The following R3HDM4 variants were observed in gnomAD, a reference collection of about 807,000 sequenced individuals.
R3HDM4 encodes R3H domain-containing protein 4.
R3HDM4 carries 30 observed loss-of-function variants against 31.3 expected under a neutral mutation model. The ratio of observed to expected loss-of-function variants is 0.96; its 90% CI spans 0.72 to 1.30. The LOEUF is 1.30. Ranked by LOEUF, R3HDM4 falls within the 50% of genes most tolerant of loss-of-function variation. The pLI, the probability that R3HDM4 is intolerant of heterozygous loss-of-function variation, is 0.00. For missense variants in R3HDM4, 444 were observed against 366.1 expected (o/e 1.21, Z -1.74); for synonymous variants, 196 against 156.6 (o/e 1.25, Z -1.88).
intron 1 of R3HDM4, among the ~76,000 whole-genome samples, chr19:905,518 A>C (rs138605785): frequency 0.019 from 2,774 of 148,316 alleles, 65 homozygotes; most frequent in African/African-American, 0.05. Flanking sequence ...AAAAAAAAAA[A>C]AAAACAAAAC....
intron 7 of R3HDM4, among the ~76,000 whole-genome samples, chr19:898,321 C>T (rs2036770365): frequency 1.4e-5 from 2 of 147,842 alleles, no homozygotes; most frequent in African/African-American, 5.0e-5. Context: ...AGGAGAATGG[C>T]GTGAACCCGG....
At chr19:905,341 C>T (rs1237911569) in intron 1 of R3HDM4, among the ~76,000 whole-genome samples, 1 of 151,646 alleles carries the variant, frequency 6.6e-6, no homozygotes, top group African/African-American at 2.4e-5. Flanking sequence ...TTAGTCTCTA[C>T]TAAAAATACA....
chr19:901,261 C>T (rs1052114655), intron 3 of R3HDM4, 161 bp downstream of exon 3: 1 of 798,860 alleles, frequency 1.3e-6, no homozygotes, highest in Non-Finnish European at 1.9e-6. Context: ...GGTGGGGATT[C>T]TGGCCTGGTC....
rs1326579784 is a variant in R3HDM4, at chr19:913,190, G to A, written c.-33C>T. On this transcript the variant is annotated 5_prime_UTR_variant, in exon 1 of 8. Transcript: ENST00000361574. This position sits in a 1 kb window ranked among gnomAD's most constrained non-coding sequence, Gnocchi z 5.0. ...ACGCTGTCGCCGCCGCCGCCGCCCG[G>A]CAGGGCCTTCACCGGGCCGGGCAGG... 9.4e-7 allele frequency: 1 copy of A among 1,058,268 alleles called. No individual in the cohort carries two copies. Among genetic ancestry groups the A allele is most frequent in the East Asian group, 7.4e-5 (1 of 13,518 alleles). The allele number at this position is 1,058,268 out of a possible 1,614,324, so 65.6% of individuals were successfully genotyped here. A position where few individuals can be genotyped will look rare whatever the true frequency, so the allele number is the denominator to read the frequency against.
chr19:897,956 T>TC (rs1016272713), intron 7 of R3HDM4, among the ~76,000 whole-genome samples: 2 of 151,718 alleles, frequency 1.3e-5, no homozygotes, highest in Non-Finnish European at 2.9e-5. Flanking sequence ...CTTCCCCATC[T>TC]CCCCCTCACT....
chr19:901,123 C>T (rs998496018), intron 3 of R3HDM4, 171 bp from the exon 4 acceptor site: 8 of 853,324 alleles, frequency 9.4e-6, no homozygotes, highest in Admixed American at 6.2e-5. Context: ...CGCAGGGAAG[C>T]GGGGAACCGG....
intron 1 of R3HDM4, among the ~76,000 whole-genome samples, chr19:912,056 A>G (rs1294554463): frequency 9.4e-5 from 6 of 63,704 alleles, no homozygotes; most frequent in African/African-American, 3.0e-4. Flanking sequence ...GGGCCCGGGG[A>G]GTGGGGGGGC....
At chr19:912,787 C>T (rs910602352) in intron 1 of R3HDM4, among the ~76,000 whole-genome samples, 2 of 146,374 alleles carry the variant, frequency 1.4e-5, no homozygotes, top group African/African-American at 5.1e-5. Context: ...GAGTAGGGGG[C>T]GGAACAGGTA....
Position 899,041 on chromosome 19 carries a change from C to T in R3HDM4, c.703+399G>A, listed in dbSNP as rs2036786279. ...GAGCGCAGGGGCCAGTAGGGGGTCTCGCCTGAGGTCCCACGTGTGGTATGT... is the reference window on the plus strand; with the variant it reads ...GAGCGCAGGGGCCAGTAGGGGGTCTTGCCTGAGGTCCCACGTGTGGTATGT... On this transcript the variant is annotated intron_variant, in intron 7 of 7. Transcript: ENST00000361574. This position sits in a 1 kb window ranked among gnomAD's most constrained non-coding sequence, Gnocchi z 6.8. Among the ~76,000 whole-genome samples, 3 of 152,092 alleles carry T rather than the reference C, an allele frequency of 2.0e-5. 1 individual carries two copies. The East Asian group carries it at 5.8e-4, about 29-fold the overall frequency.
At chr19:898,374 CAGCA>C (rs1451674897) in intron 7 of R3HDM4, among the ~76,000 whole-genome samples, 1 of 137,844 alleles carries the variant, frequency 7.3e-6, no homozygotes, top group Non-Finnish European at 1.5e-5. Flanking sequence ...CACTGCACTC[CAGCA>C]TGGGTGACAG....
chr19:898,162 G>A (rs193050814), intron 7 of R3HDM4, among the ~76,000 whole-genome samples: 28 of 151,658 alleles, frequency 1.8e-4, no homozygotes, highest in Admixed American at 1.1e-3. Context: ...TGAGGCAAGC[G>A]GATCACGAGG....
In R3HDM4 at chr19:897,390, G is replaced by T; in HGVS notation, c.*47C>A. On this transcript the variant is annotated 3_prime_UTR_variant, in exon 8 of 8. Transcript: ENST00000361574. ...ATATTTTAGCCGAAGGTATCGGAGG[G>T]CTTGATGGCTGGGCGAGGTGGCAGC... 1 of 1,384,198 alleles carries T rather than the reference G, an allele frequency of 7.2e-7. No homozygotes were observed. The highest frequency in any genetic ancestry group is 1.0e-6 in the Non-Finnish European group (1 of 1,003,996). 85.7% of individuals were successfully genotyped at this position (1,384,198 alleles called of 1,614,324 possible).
intron 1 of R3HDM4, chr19:902,497 T>G (rs2036851334): frequency 5.1e-6 from 1 of 197,274 alleles, no homozygotes; most frequent in Non-Finnish European, 1.1e-5. Flanking sequence ...ATTAAAAAAT[T>G]AACCGGTGTG....
In R3HDM4 at chr19:907,856, G is replaced by A. The variant is rs1467804394; in HGVS notation, c.71+5231C>T. On this transcript the variant is annotated intron_variant, in intron 1 of 7. Coordinates refer to ENST00000361574, the MANE Select transcript of R3HDM4 (RefSeq NM_138774.4). The surrounding 1 kb of genome is among the most constrained non-coding windows in gnomAD (Gnocchi z 4.1). ...GGTCTCTAGTGCTGAGCTGAGCACT[G>A]GAAATCGAGTCCCACCATCAGATGG... 6.6e-6 allele frequency among the ~76,000 whole-genome samples: 1 copy of A among 152,166 alleles called. No individual in the cohort carries two copies. Among genetic ancestry groups the A allele is most frequent in the East Asian group, 1.9e-4 (1 of 5,202 alleles).
chr19:897,715 C>A (rs1052349014), intron 7 of R3HDM4, among the ~76,000 whole-genome samples, 175 bp from the exon 8 acceptor site: 1 of 152,252 alleles, frequency 6.6e-6, no homozygotes, highest in African/African-American at 2.4e-5. Flanking sequence ...GCCTGGCTCA[C>A]AAGAATACCT....
chr19:910,488 C>T (rs750930007), intron 1 of R3HDM4, among the ~76,000 whole-genome samples: 6 of 151,660 alleles, frequency 4.0e-5, no homozygotes, highest in Admixed American at 2.6e-4. Context: ...ACTACTAGGC[C>T]GGGCGTGGTA....
In R3HDM4 at chr19:901,443, G is replaced by A; in HGVS notation, c.330C>T (p.Cys110=). 6.2e-7 allele frequency: 1 copy of A among 1,607,824 alleles called. No homozygotes were observed. ...ACACCTCCACATAGGTGGCGTTGTT[G>A]CAGGCCTCGGCAAAGATGCCTGGTG... is the stretch of plus-strand genomic sequence containing the variant. The part of the protein sequence containing the change: ...PASPGIFAEA[C]NNATYVEVWN... Residue 110 remains cysteine (C), a synonymous_variant, in exon 3 of 8, where the codon TGC becomes TGT. Transcript: ENST00000361574.
In R3HDM4 at chr19:897,437, T is replaced by C; in HGVS notation, c.807A>G (p.Ter269TrpextTer29). The C allele has an allele frequency of 6.2e-7, 1 of 1,602,308 alleles. No homozygotes were observed. The highest frequency in any genetic ancestry group is 8.5e-7 in the Non-Finnish European group (1 of 1,174,528). Reference sequence around the variant, plus strand: ...CAGCGGGGTCTCCGCGGGGCCGCCATCAGCTGTGCTGCTCCAGGTAGGCGG... The same window carrying C: ...CAGCGGGGTCTCCGCGGGGCCGCCACCAGCTGTGCTGCTCCAGGTAGGCGG... ...LLSAYLEQHS[*>W] Residue 269 changes from the stop codon to tryptophan (W), a stop_lost, in exon 8 of 8, where the codon TGA (stop) becomes TGG (tryptophan). Coordinates refer to ENST00000361574, the MANE Select transcript of R3HDM4 (RefSeq NM_138774.4).
chr19:913,213 A>G lies in R3HDM4; in HGVS notation c.-56T>C. On this transcript the variant is annotated 5_prime_UTR_variant, in exon 1 of 8. Coordinates refer to ENST00000361574, the MANE Select transcript of R3HDM4 (RefSeq NM_138774.4). This position sits in a 1 kb window ranked among gnomAD's most constrained non-coding sequence, Gnocchi z 5.0. ...CGGCAGGGCCTTCACCGGGCCGGGCAGGAAGTGACGGGCGCCCGGAGGCGG... is the reference window on the plus strand; with the variant it reads ...CGGCAGGGCCTTCACCGGGCCGGGCGGGAAGTGACGGGCGCCCGGAGGCGG... The G allele has an allele frequency of 9.6e-7, 1 of 1,041,886 alleles. No individual in the cohort carries two copies. Among genetic ancestry groups the G allele is most frequent in the Non-Finnish European group, 1.2e-6 (1 of 867,482 alleles). 64.5% of individuals were successfully genotyped at this position (1,041,886 alleles called of 1,614,324 possible).
Sources: gnomAD v4.1 joint callset for allele counts (sites outside exome capture counted in the v4.1 genomes callset) on GRCh38, gnomAD v4.1.1 for gene constraint, Gnocchi (gnomAD v3.1) non-coding constraint, MANE v1.5 for transcripts, NCBI Gene and HGNC (gene_info 2026-07-23, HGNC 2026-07-21) for gene names.